ZNF26: variants seen among roughly 807,000 people sequenced by gnomAD.
The protein encoded by ZNF26 is epididymis luminal protein 179.
ZNF26 carries 32 observed loss-of-function variants against 54.9 expected under a neutral mutation model. The observed-to-expected ratio is 0.58, with a 90% CI of 0.44 to 0.78. ZNF26 has a LOEUF of 0.78. ZNF26 is among the 30% of genes least tolerant of loss of function. The pLI is 0.00. For synonymous variants in ZNF26, 221 were observed against 209.2 expected, an observed-to-expected ratio of 1.06 and a Z score of -0.49; for missense variants, 524 against 634.0, an observed-to-expected ratio of 0.83 and a Z score of 1.86.
chr12:133,009,240 A>G (rs114627158), intron 3 of ZNF26, among the ~76,000 whole-genome samples: 4,601 of 152,256 alleles, frequency 0.03, 222 homozygotes, highest in African/African-American at 0.1. Flanking sequence ...TCCTTTTCTT[A>G]CTTTTTACAG....
intron 1 of ZNF26, among the ~76,000 whole-genome samples, chr12:132,987,411 C>G (rs1230536475): frequency 3.0e-4 from 46 of 152,196 alleles, no homozygotes; most frequent in African/African-American, 1.0e-3. Context: ...GAGCGGAGCT[C>G]GAGAGTCCGA....
At chr12:133,003,391 A>G (rs1216742042) in intron 1 of ZNF26, among the ~76,000 whole-genome samples, 1 of 151,498 alleles carries the variant, frequency 6.6e-6, no homozygotes, top group East Asian at 1.9e-4. Context: ...AGTAGCTGGG[A>G]CTACAGGCAC....
chr12:133,005,270 T>C (rs951340406), intron 1 of ZNF26: 4 of 152,210 alleles, frequency 2.6e-5, no homozygotes, highest in Non-Finnish European at 1.5e-5. Context: ...TGATGCGATC[T>C]TGGCTCACTG....
intron 1 of ZNF26, among the ~76,000 whole-genome samples, chr12:132,991,485 G>A (rs1437721950): frequency 2.0e-5 from 3 of 150,520 alleles, no homozygotes; most frequent in Non-Finnish European, 4.4e-5. Context: ...GCGACAGAGC[G>A]AGACTCAACA....
In ZNF26 at chr12:133,011,582, A is replaced by G; in HGVS notation, c.*101A>G. 1 of 1,260,600 alleles carries G rather than the reference A, an allele frequency of 7.9e-7. No homozygotes were observed. The highest frequency in any genetic ancestry group is 1.1e-6 in the Non-Finnish European group (1 of 944,250). The allele number at this position is 1,260,600 out of a possible 1,614,324, so 78.1% of individuals were successfully genotyped here. A position where few individuals can be genotyped will look rare whatever the true frequency, so the allele number is the denominator to read the frequency against. The stretch of plus-strand genomic sequence containing the variant: ...AGGCCCTAAAATTACACTCATGTCA[A>G]AAATCAGAGAGGAGAGAGACCAACC... On this transcript the variant is annotated 3_prime_UTR_variant, in exon 4 of 4. Transcript: ENST00000328654.
At chr12:132,986,953 A>T (rs1952835558) in intron 1 of ZNF26, 80 bp downstream of exon 1, 1 of 1,451,276 alleles carries the variant, frequency 6.9e-7, no homozygotes, top group South Asian at 1.2e-5. Context: ...TTACTCCGGG[A>T]ACTGAACTCA....
intron 1 of ZNF26, 179 bp from the exon 2 acceptor site, chr12:133,006,863 C>T (rs1382722127): frequency 1.2e-5 from 9 of 751,420 alleles, no homozygotes; most frequent in East Asian, 5.4e-5. Flanking sequence ...AAAGTGCTGG[C>T]GTGAGCCACC....
intron 1 of ZNF26, among the ~76,000 whole-genome samples, chr12:132,993,027 C>CCTTTT (rs1440147452): frequency 1.5e-5 from 2 of 129,428 alleles, no homozygotes; most frequent in Non-Finnish European, 3.2e-5. Flanking sequence ...ACTAGTATTT[C>CCTTTT]TTTTTTTTTT....
chr12:132,997,541 C>T (rs1215166247), intron 1 of ZNF26, among the ~76,000 whole-genome samples: 3 of 152,188 alleles, frequency 2.0e-5, no homozygotes, highest in African/African-American at 7.2e-5. Flanking sequence ...CTTCACCTCC[C>T]AGTCCAGCTT....
chr12:132,992,384 A>G (rs1952983297), intron 1 of ZNF26, among the ~76,000 whole-genome samples: 6 of 150,968 alleles, frequency 4.0e-5, no homozygotes. Context: ...TAGGTAAGGT[A>G]TTTTTTTTCA....
intron 1 of ZNF26, chr12:133,005,201 A>G (rs1953297353): frequency 6.6e-6 from 1 of 152,030 alleles, no homozygotes; most frequent in Admixed American, 6.6e-5. Context: ...TTCCAGGTTT[A>G]TTTATTTATT....
intron 1 of ZNF26, among the ~76,000 whole-genome samples, chr12:132,988,916 T>A (rs2137205639): frequency 6.6e-6 from 1 of 152,282 alleles, no homozygotes; most frequent in South Asian, 2.1e-4. Context: ...ATTGTGTTTT[T>A]TATTTCAAAT....
Position 133,026,747 on chromosome 12 carries a change from G to A in ZNF26, c.*15266G>A, listed in dbSNP as rs1291086011. The A allele has an allele frequency of 1.3e-5, 2 of 151,344 alleles. No individual in the cohort carries two copies. Among genetic ancestry groups the A allele is most frequent in the Admixed American group, 6.6e-5 (1 of 15,182 alleles). 9.4% of individuals were successfully genotyped at this position (151,344 alleles called of 1,614,324 possible). On this transcript the variant is annotated 3_prime_UTR_variant, in exon 4 of 4. Transcript: ENST00000328654. ...TCACCATGTTGACTAGGCTGGTCTC[G>A]AACTCCTGACCTCAGGTGATCTGCC...
chr12:133,005,999 C>T (rs1953316208), intron 1 of ZNF26: 5 of 777,720 alleles, frequency 6.4e-6, no homozygotes, highest in Non-Finnish European at 7.8e-6. Context: ...ATGCTTGCTT[C>T]TGGTACAGGG....
rs1422105332 is a variant in ZNF26, at chr12:133,026,276, T to G, written c.*14795T>G. On this transcript the variant is annotated 3_prime_UTR_variant, in exon 4 of 4. Transcript: ENST00000328654. ...CCACCATACTTGGCTAATTTTTGTA[T>G]TTTTAGTAGAGATGGGGTTTCACCA... 1.3e-5 allele frequency: 2 copies of G among 151,984 alleles called. No individual in the cohort carries two copies. The highest frequency in any genetic ancestry group is 2.9e-5 in the Non-Finnish European group (2 of 68,022). The allele number at this position is 151,984 out of a possible 1,614,324, so 9.4% of individuals were successfully genotyped here. A position where few individuals can be genotyped will look rare whatever the true frequency, so the allele number is the denominator to read the frequency against.
rs1254359480 is a variant in ZNF26 at position 133,023,094 on chromosome 12, T to G, written c.*11613T>G. On this transcript the variant is annotated 3_prime_UTR_variant, in exon 4 of 4. Transcript: ENST00000328654. ...GTGAGAATGTACTTGTAACTAGTAT[T>G]TGATGAACAGGGGCTATACAACAGT... 4 of 152,206 alleles carry G rather than the reference T, an allele frequency of 2.6e-5. No homozygotes were observed. The highest frequency in any genetic ancestry group is 9.7e-5 in the African/African-American group (4 of 41,438). 9.4% of individuals were successfully genotyped at this position (152,206 alleles called of 1,614,324 possible). A position where few individuals can be genotyped will look rare whatever the true frequency, so the allele number is the denominator to read the frequency against.
At position 133,011,404 on chromosome 12, in the gene ZNF26, C is replaced by T; in HGVS notation, c.1525C>T (p.Pro509Ser). ...EHQRVHTGEK[P>S]WKCSECGKSF... Reference sequence around the variant, plus strand: ...TCAGAGAGTTCACACCGGAGAGAAACCATGGAAATGCTCTGAATGTGGGAA... The same window carrying T: ...TCAGAGAGTTCACACCGGAGAGAAATCATGGAAATGCTCTGAATGTGGGAA... The change falls in exon 4 of 4, where the codon CCA becomes TCA. Residue 509 changes from proline (P) to serine (S), a missense_variant. Physicochemically the swap from Pro to Ser is moderately conservative, Grantham distance 74. Transcript: ENST00000328654. 6.2e-7 allele frequency: 1 copy of T among 1,605,206 alleles called. No homozygotes were observed. The highest frequency in any genetic ancestry group is 1.7e-4 in the Middle Eastern group (1 of 6,012).
Position 133,007,438 on chromosome 12 carries a change from G to T in ZNF26, c.162G>T (p.Gly54=), listed in dbSNP as rs1953355639. Residue 54 remains glycine (G), a splice_region_variant and synonymous_variant, in exon 3 of 4, where the codon GGG becomes GGT. Coordinates refer to ENST00000328654, the MANE Select transcript of ZNF26 (RefSeq NM_019591.4). The part of the protein sequence containing the change: ...LENYHNLISV[G]YHGTKPDLIF... ...CCCTTTGTGATTTCCCATCAACAGGGTATCATGGTACCAAGCCTGACTTAA... is the reference window on the plus strand; with the variant it reads ...CCCTTTGTGATTTCCCATCAACAGGTTATCATGGTACCAAGCCTGACTTAA... 3 of 1,612,022 alleles carry T rather than the reference G, an allele frequency of 1.9e-6. No homozygotes were observed. The highest frequency in any genetic ancestry group is 2.5e-6 in the Non-Finnish European group (3 of 1,178,714).
rs928939851 is a variant in ZNF26, at chr12:133,021,820, A to G, written c.*10339A>G. ...TGTAGAGAAAGCTAACATGGTAAAA[A>G]TTTGAGGAATATTGGTAAAGAATAT... On this transcript the variant is annotated 3_prime_UTR_variant, in exon 4 of 4. Transcript: ENST00000328654. 6.6e-6 allele frequency: 1 copy of G among 152,056 alleles called. No homozygotes were observed. Among genetic ancestry groups the G allele is most frequent in the African/African-American group, 2.4e-5 (1 of 41,412 alleles). 9.4% of individuals were successfully genotyped at this position (152,056 alleles called of 1,614,324 possible). A position where few individuals can be genotyped will look rare whatever the true frequency, so the allele number is the denominator to read the frequency against.
Sources: gnomAD v4.1 joint callset for allele counts (sites outside exome capture counted in the v4.1 genomes callset) on GRCh38, gnomAD v4.1.1 for gene constraint, MANE v1.5 for transcripts, NCBI Gene and HGNC (gene_info 2026-07-23, HGNC 2026-07-21) for gene names.